Variants in ALPK1 observed in about 807,000 individuals in gnomAD.
ALPK1 encodes the protein alpha kinase 1.
Under a neutral mutation model 120.6 loss-of-function variants are expected in ALPK1, and 110 were observed. The observed-to-expected ratio is 0.91, with a 90% CI of 0.78 to 1.07. ALPK1 has a LOEUF of 1.07. Ranked by LOEUF, ALPK1 falls within the 50% of genes least tolerant of loss-of-function variation. The pLI is 0.00. For missense variants in ALPK1, 1,498 were observed against 1,483.9 expected (o/e 1.01, Z -0.16); for synonymous variants, 582 against 560.3 (o/e 1.04, Z -0.55).
At chr4:112,302,952 A>T (rs888962651) in intron 1 of ALPK1, among the ~76,000 whole-genome samples, 3 of 152,156 alleles carry the variant, frequency 2.0e-5, no homozygotes, top group Non-Finnish European at 4.4e-5. Context: ...ACAAACACAA[A>T]GGCTGCTTTT....
At chr4:112,427,163 T>A (rs1053390492) in intron 8 of ALPK1, among the ~76,000 whole-genome samples, 40 of 152,154 alleles carry the variant, frequency 2.6e-4, no homozygotes, top group Non-Finnish European at 5.6e-4. Flanking sequence ...GTATTGATCA[T>A]CCAGTGAAAC....
intron 5 of ALPK1, chr4:112,414,162 A>G: frequency 2.3e-6 from 1 of 435,262 alleles, no homozygotes; most frequent in South Asian, 1.6e-5. Flanking sequence ...GAAAGAGATT[A>G]TATAATATTG....
At chr4:112,325,928 C>T (rs1377859205) in intron 2 of ALPK1, among the ~76,000 whole-genome samples, 1 of 152,164 alleles carries the variant, frequency 6.6e-6, no homozygotes, top group African/African-American at 2.4e-5. Flanking sequence ...TCCCTAAGGC[C>T]CTGAGTGAGA....
At chr4:112,416,494 A>G (rs1052296410) in intron 5 of ALPK1, among the ~76,000 whole-genome samples, 1 of 152,230 alleles carries the variant, frequency 6.6e-6, no homozygotes, top group Non-Finnish European at 1.5e-5. Flanking sequence ...ACACAGAAGC[A>G]TAGGAAGACT....
At chr4:112,381,146 A>G (rs1731887048) in intron 3 of ALPK1, among the ~76,000 whole-genome samples, 1 of 152,202 alleles carries the variant, frequency 6.6e-6, no homozygotes, top group Admixed American at 6.5e-5. Flanking sequence ...GAGGGACTGG[A>G]CGGAGCAAGA....
At chr4:112,318,235 T>C (rs1273551881) in intron 2 of ALPK1, among the ~76,000 whole-genome samples, 2 of 152,204 alleles carry the variant, frequency 1.3e-5, no homozygotes, top group African/African-American at 4.8e-5. Flanking sequence ...TAGGTATGAA[T>C]TAAATAGGGT....
At chr4:112,356,794 C>T in intron 2 of ALPK1, 1 of 735,336 alleles carries the variant, frequency 1.4e-6, no homozygotes, top group South Asian at 1.3e-5. Flanking sequence ...CCGACATCGT[C>T]TTCATCCCAT....
intron 1 of ALPK1, among the ~76,000 whole-genome samples, chr4:112,302,183 C>G (rs549741986): frequency 6.6e-6 from 1 of 152,282 alleles, no homozygotes; most frequent in Non-Finnish European, 1.5e-5. Context: ...GTCACCATTC[C>G]TCTGAGCCAT....
In ALPK1 at chr4:112,377,640, C is replaced by T. The variant is rs530210075; in HGVS notation, c.-100-38C>T. ...TGAGTCTCACAGATAATTGATGATG[C>T]TTCAGTTAATCATCTTTCCCTCTCT... On this transcript the variant is annotated intron_variant, in intron 2 of 15. Coordinates refer to ENST00000650871, the MANE Select transcript of ALPK1 (RefSeq NM_025144.4). 205 of 789,842 alleles carry T rather than the reference C, an allele frequency of 2.6e-4. 2 individuals carry two copies. In the South Asian group the frequency reaches 5.5e-3, roughly 21 times the overall value. 48.9% of individuals were successfully genotyped at this position (789,842 alleles called of 1,614,324 possible).
At chr4:112,396,031 G>A (rs1411733921) in intron 4 of ALPK1, among the ~76,000 whole-genome samples, 3 of 151,762 alleles carry the variant, frequency 2.0e-5, no homozygotes, top group Admixed American at 6.6e-5. Flanking sequence ...TTTTTTAAAT[G>A]GGTTAAAATT....
chr4:112,311,109 A>T (rs1349859755), intron 1 of ALPK1, among the ~76,000 whole-genome samples: 1 of 152,202 alleles, frequency 6.6e-6, no homozygotes, highest in Non-Finnish European at 1.5e-5. Flanking sequence ...AAAAGCGCTC[A>T]CTTGGAAGCA....
At position 112,425,298 on chromosome 4, in the gene ALPK1, G is replaced by C. The variant is rs1193570999; in HGVS notation, c.536-367G>C. On this transcript the variant is annotated intron_variant, in intron 6 of 15. Coordinates refer to ENST00000650871, the MANE Select transcript of ALPK1 (RefSeq NM_025144.4). ...AATACTACTCTGTGGAGGCCTTTGAGGAAAAGCACTGAGGCTGAGACCTGA... is the reference window on the plus strand; with the variant it reads ...AATACTACTCTGTGGAGGCCTTTGACGAAAAGCACTGAGGCTGAGACCTGA... The C allele has an allele frequency of 2.2e-5, 4 of 183,900 alleles. No homozygotes were observed. In the East Asian group the frequency reaches 5.7e-4, roughly 26 times the overall value. 11.4% of individuals were successfully genotyped at this position (183,900 alleles called of 1,614,324 possible).
At chr4:112,439,389 TC>T (rs1240771382) in intron 13 of ALPK1, among the ~76,000 whole-genome samples, 2 of 152,212 alleles carry the variant, frequency 1.3e-5, no homozygotes, top group Non-Finnish European at 2.9e-5. Context: ...TAACCTAGCC[TC>T]CAGGACAGGT....
At chr4:112,305,927 A>G (rs1728030089) in intron 1 of ALPK1, among the ~76,000 whole-genome samples, 1 of 152,050 alleles carries the variant, frequency 6.6e-6, no homozygotes, top group Non-Finnish European at 1.5e-5. Context: ...CATCCCATCA[A>G]TACCTAATTT....
intron 1 of ALPK1, among the ~76,000 whole-genome samples, chr4:112,307,676 A>C (rs1728162127): frequency 6.6e-6 from 1 of 152,086 alleles, no homozygotes; most frequent in Non-Finnish European, 1.5e-5. Flanking sequence ...AATACAGCAC[A>C]CTGATGGGTC....
intron 1 of ALPK1, among the ~76,000 whole-genome samples, chr4:112,303,863 T>A (rs1560628141): frequency 6.6e-6 from 1 of 152,254 alleles, no homozygotes; most frequent in East Asian, 1.9e-4. Flanking sequence ...ACTCGTCATT[T>A]ACATTAGGTA....
intron 1 of ALPK1, among the ~76,000 whole-genome samples, chr4:112,300,102 C>T (rs1727720578): frequency 6.6e-6 from 1 of 152,000 alleles, no homozygotes; most frequent in African/African-American, 2.4e-5. Context: ...CAAATAATTG[C>T]AAGCATTCTC....
intron 2 of ALPK1, among the ~76,000 whole-genome samples, chr4:112,348,436 T>A (rs775535769): frequency 1.3e-5 from 2 of 152,240 alleles, no homozygotes; most frequent in Non-Finnish European, 2.9e-5. Flanking sequence ...AAATGTGCTA[T>A]CTTTTCTTTG....
At chr4:112,360,119 A>G (rs886670857) in intron 2 of ALPK1, among the ~76,000 whole-genome samples, 2 of 152,008 alleles carry the variant, frequency 1.3e-5, no homozygotes, top group Non-Finnish European at 2.9e-5. Context: ...ATACTGCTCT[A>G]TGTTTCTATG....
Sources: allele counts gnomAD v4.1 joint callset (sites outside exome capture counted in the v4.1 genomes callset), GRCh38; gene constraint gnomAD v4.1.1; transcripts MANE v1.5; gene names NCBI Gene and HGNC (gene_info 2026-07-23, HGNC 2026-07-21).